Variants in MYOZ2 observed in about 807,000 individuals in gnomAD.
The protein encoded by MYOZ2 is myozenin 2.
A neutral mutation model predicts 25.4 loss-of-function variants in MYOZ2; 19 were observed. That is an observed-to-expected ratio of 0.75 (90% CI 0.52 to 1.10). MYOZ2 has a LOEUF of 1.10. Ranked by LOEUF, MYOZ2 falls within the 50% of genes least tolerant of loss-of-function variation. The pLI is 0.00. For missense variants in MYOZ2, 270 were observed against 317.9 expected (o/e 0.85, Z 1.15); for synonymous variants, 92 against 106.9 (o/e 0.86, Z 0.86).
At chr4:119,160,849 AT>A (rs1352344627) in intron 4 of MYOZ2, among the ~76,000 whole-genome samples, 2 of 151,876 alleles carry the variant, frequency 1.3e-5, no homozygotes, top group Admixed American at 1.3e-4. Flanking sequence ...TCAAATATTT[AT>A]TATTTCTTTG....
intron 5 of MYOZ2, among the ~76,000 whole-genome samples, chr4:119,178,243 C>T (rs984960646): frequency 1.3e-5 from 2 of 152,150 alleles, no homozygotes; most frequent in Admixed American, 6.5e-5. Flanking sequence ...TTCCAAACTC[C>T]GTATGTTAGG....
At chr4:119,171,976 C>T (rs1299968749) in intron 5 of MYOZ2, among the ~76,000 whole-genome samples, 3 of 152,146 alleles carry the variant, frequency 2.0e-5, no homozygotes, top group South Asian at 4.1e-4. Context: ...TTAGATATTG[C>T]TGATGAAGCC....
Position 119,182,003 on chromosome 4 carries a change from A to G in MYOZ2, c.561-3963A>G, listed in dbSNP as rs369605578. 3.3e-5 allele frequency among the ~76,000 whole-genome samples: 5 copies of G among 152,304 alleles called. No homozygotes were observed. The East Asian group carries it at 5.8e-4, about 18-fold the overall frequency. ...GTAAATTTTCAAATCAACATTATAA[A>G]ATTTCAAATTTTAGGCTTCTGACCT... On this transcript the variant is annotated intron_variant, in intron 5 of 5. Transcript: ENST00000307128.
At chr4:119,143,994 G>A (rs1468028344) in intron 2 of MYOZ2, among the ~76,000 whole-genome samples, 3 of 151,888 alleles carry the variant, frequency 2.0e-5, no homozygotes, top group African/African-American at 2.4e-5. Context: ...TGGTAACATC[G>A]AGCAAAACTA....
chr4:119,138,366 C>G (rs571042938), intron 2 of MYOZ2, among the ~76,000 whole-genome samples: 1 of 152,114 alleles, frequency 6.6e-6, no homozygotes, highest in Non-Finnish European at 1.5e-5. Context: ...TTTATGAAAC[C>G]GCTCAAATAT....
Position 119,148,769 on chromosome 4 carries a change from C to A in MYOZ2, c.77-2103C>A, listed in dbSNP as rs965710581. Among the ~76,000 whole-genome samples, 327 of 77,254 alleles carry A rather than the reference C, an allele frequency of 4.2e-3. 2 individuals carry two copies. Among genetic ancestry groups the A allele is most frequent in the Non-Finnish European group, 5.2e-3 (209 of 40,482 alleles). The allele number at this position is 77,254 out of a possible 152,430, so 50.7% of individuals were successfully genotyped here. A position where few individuals can be genotyped will look rare whatever the true frequency, so the allele number is the denominator to read the frequency against. On this transcript the variant is annotated intron_variant, in intron 2 of 5. Coordinates refer to ENST00000307128, the MANE Select transcript of MYOZ2 (RefSeq NM_016599.5). ...TTGCTGCTGCTGATGGAGTCATTGG[C>A]AAAAAAAAAAAAAACCTTTCCATTT...
intron 3 of MYOZ2, among the ~76,000 whole-genome samples, chr4:119,153,955 T>C (rs902375597): frequency 1.6e-4 from 25 of 151,964 alleles, no homozygotes; most frequent in African/African-American, 5.8e-4. Flanking sequence ...CCACCAAAAA[T>C]AAAGTAAAAT....
intron 5 of MYOZ2, among the ~76,000 whole-genome samples, chr4:119,181,346 A>G (rs760626220): frequency 2.0e-5 from 3 of 152,162 alleles, no homozygotes; most frequent in Non-Finnish European, 2.9e-5. Context: ...TTGTGATCAT[A>G]ATGCTCTGTT....
chr4:119,151,658 C>G (rs773342396), intron 3 of MYOZ2, among the ~76,000 whole-genome samples: 23 of 152,148 alleles, frequency 1.5e-4, no homozygotes, highest in Non-Finnish European at 2.9e-4. Flanking sequence ...CTTAAACTGT[C>G]ATTTAAAGAG....
chr4:119,148,769 C>CAAAAAA (rs372182068), intron 2 of MYOZ2, among the ~76,000 whole-genome samples: 1 of 77,398 alleles, frequency 1.3e-5, no homozygotes, highest in Non-Finnish European at 2.5e-5. Context: ...GAGTCATTGG[C>CAAAAAA]AAAAAAAAAA....
At position 119,158,836 on chromosome 4, in the gene MYOZ2, G is replaced by A. The variant is rs116020932; in HGVS notation, c.376+685G>A. On this transcript the variant is annotated intron_variant, in intron 4 of 5. Transcript: ENST00000307128. Reference sequence around the variant, plus strand: ...CAATCCTCATTTTATAAATTAAGACGTTGAGGTTATGAATGTCTATGAAGC... The same window carrying A: ...CAATCCTCATTTTATAAATTAAGACATTGAGGTTATGAATGTCTATGAAGC... Among the ~76,000 whole-genome samples, 1,080 of 152,196 alleles carry A rather than the reference G, an allele frequency of 7.1e-3. 14 individuals carry two copies. The highest frequency in any genetic ancestry group is 0.024 in the African/African-American group (1,008 of 41,528).
chr4:119,178,381 T>C (rs1483476045), intron 5 of MYOZ2, among the ~76,000 whole-genome samples: 1 of 152,238 alleles, frequency 6.6e-6, no homozygotes, highest in African/African-American at 2.4e-5. Flanking sequence ...AGCTTCACTC[T>C]GCCACTGGAC....
At chr4:119,149,714 T>C (rs1259733695) in intron 2 of MYOZ2, among the ~76,000 whole-genome samples, 1 of 152,140 alleles carries the variant, frequency 6.6e-6, no homozygotes, top group Non-Finnish European at 1.5e-5. Context: ...ACATGTGAGG[T>C]TGTATTTAAT....
rs1741431506 is a variant in MYOZ2 at position 119,150,869 on chromosome 4, C to T, written c.77-3C>T. 6.2e-7 allele frequency: 1 copy of T among 1,613,020 alleles called. No homozygotes were observed. ...TTTTACTCATATGAATATTGTTTTA[C>T]AGATGTTGATGGCATGGACCTGGGC... On this transcript the variant is annotated splice_polypyrimidine_tract_variant and splice_region_variant and intron_variant, in intron 2 of 5. Transcript: ENST00000307128.
chr4:119,150,340 G>A (rs908095493), intron 2 of MYOZ2, among the ~76,000 whole-genome samples: 1 of 152,014 alleles, frequency 6.6e-6, no homozygotes, highest in Non-Finnish European at 1.5e-5. Context: ...GCTGGATTGG[G>A]GAAAAAGTTC....
At chr4:119,167,267 T>A (rs772564234) in intron 5 of MYOZ2, among the ~76,000 whole-genome samples, 1 of 152,184 alleles carries the variant, frequency 6.6e-6, no homozygotes, top group Non-Finnish European at 1.5e-5. Context: ...AAAGTTTGAG[T>A]AGTCTGGATG....
intron 3 of MYOZ2, among the ~76,000 whole-genome samples, chr4:119,153,376 T>C (rs1032293412): frequency 6.6e-6 from 1 of 152,154 alleles, no homozygotes; most frequent in Admixed American, 6.6e-5. Flanking sequence ...GTGCCTATTA[T>C]GTTCTTGATA....
chr4:119,163,012 C>A (rs1741744272), intron 4 of MYOZ2, among the ~76,000 whole-genome samples: 1 of 151,948 alleles, frequency 6.6e-6, no homozygotes, highest in Non-Finnish European at 1.5e-5. Context: ...ATTATCAATA[C>A]ATAGGTCACA....
At chr4:119,137,050 AT>A (rs1434364986) in intron 2 of MYOZ2, among the ~76,000 whole-genome samples, 2 of 152,086 alleles carry the variant, frequency 1.3e-5, no homozygotes, top group Non-Finnish European at 2.9e-5. Context: ...TGGAATTCAT[AT>A]TTATTGCTTA....
Sources: allele counts gnomAD v4.1 joint callset (sites outside exome capture counted in the v4.1 genomes callset), GRCh38; gene constraint gnomAD v4.1.1; transcripts MANE v1.5; gene names NCBI Gene and HGNC (gene_info 2026-07-23, HGNC 2026-07-21).